PRMT2: variants seen among roughly 807,000 people sequenced by gnomAD.
PRMT2 encodes protein arginine methyltransferase 2.
Under a neutral mutation model 57.6 loss-of-function variants are expected in PRMT2, and 26 were observed. That is an observed-to-expected ratio of 0.45 (90% confidence interval 0.33 to 0.63). The LOEUF is 0.63. PRMT2 is among the 20% of genes least tolerant of loss of function. The pLI is 0.02. For missense variants in PRMT2, 472 were observed against 564.4 expected (o/e 0.84, Z 1.66); for synonymous variants, 219 against 220.0 (o/e 1.00, Z 0.04).
intron 11 of PRMT2, among the ~76,000 whole-genome samples, 169 bp downstream of exon 11, chr21:46,663,723 C>T (rs549752919): frequency 1.3e-5 from 2 of 152,244 alleles, no homozygotes; most frequent in African/African-American, 4.8e-5. Flanking sequence ...GGCTTCATTT[C>T]CCATCTGACA....
rs961298795 is a variant in PRMT2 at position 46,663,447 on chromosome 21, G to A, written c.1162G>A (p.Val388Met). The change falls in exon 11 of 12, where the codon GTG becomes ATG. Residue 388 changes from valine to methionine, a missense_variant. Coordinates refer to ENST00000355680, the MANE Select transcript of PRMT2 (RefSeq NM_206962.4). ...CCCAGTCCCTGTCCATACAGGAGAC[G>A]TGGTCACGGGTTCAGTTGTGTTGCA... ...DDPVPVHTGD[V>M]VTGSVVLQRN... The A allele has an allele frequency of 7.4e-6, 12 of 1,614,218 alleles. No individual in the cohort carries two copies. The highest frequency in any genetic ancestry group is 1.0e-5 in the Non-Finnish European group (12 of 1,180,032).
chr21:46,651,775 G>A lies in PRMT2; in HGVS notation c.654+2036G>A, dbSNP rs139931813. 73 of 1,611,596 alleles carry A rather than the reference G, an allele frequency of 4.5e-5. No homozygotes were observed. The East Asian group carries it at 1.2e-3, about 26-fold the overall frequency. On this transcript the variant is annotated intron_variant, in intron 7 of 11. Coordinates refer to ENST00000355680, the MANE Select transcript of PRMT2 (RefSeq NM_206962.4). ...GTATGAATCTGGGAGTCGTTGGTGC[G>A]GTTGTACCCACCTTCACTTTCCGTC...
intron 7 of PRMT2, chr21:46,653,381 C>T: frequency 4.1e-6 from 4 of 985,402 alleles, no homozygotes; most frequent in Non-Finnish European, 4.8e-6. Context: ...AGGCTGTTTG[C>T]ACATATTTAT....
At chr21:46,654,041 G>A (rs1569159997) in intron 7 of PRMT2, 1 of 987,798 alleles carries the variant, frequency 1.0e-6, no homozygotes. Flanking sequence ...TCACCTCGGG[G>A]GAGGAGGAAG....
At chr21:46,644,149 G>C (rs1439162196) in intron 4 of PRMT2, among the ~76,000 whole-genome samples, 157 bp from the exon 5 acceptor site, 1 of 152,108 alleles carries the variant, frequency 6.6e-6, no homozygotes, top group Non-Finnish European at 1.5e-5. Flanking sequence ...GCTAAGTCAT[G>C]GTGTCACTTG....
intron 8 of PRMT2, 38 bp downstream of exon 8, chr21:46,658,958 G>A (rs756254908): frequency 6.3e-7 from 1 of 1,591,336 alleles, no homozygotes. Flanking sequence ...CGTCTTGTGG[G>A]GCCTCCTGGT....
intron 9 of PRMT2, 131 bp downstream of exon 9, chr21:46,661,093 G>T (rs895393269): frequency 1.3e-5 from 12 of 897,778 alleles, no homozygotes; most frequent in Non-Finnish European, 1.9e-5. Context: ...ATTTTATTAT[G>T]CAAATAAGTG....
Position 46,636,960 on chromosome 21 carries a change from A to G in PRMT2, c.9A>G (p.Thr3=), listed in dbSNP as rs768951437. 4.5e-5 allele frequency: 73 copies of G among 1,613,828 alleles called. No homozygotes were observed. Among genetic ancestry groups the G allele is most frequent in the South Asian group, 4.3e-4 (39 of 91,050 alleles). Residue 3 remains threonine (T), a synonymous_variant, in exon 3 of 12, where the codon ACA becomes ACG. Coordinates refer to ENST00000355680, the MANE Select transcript of PRMT2 (RefSeq NM_206962.4). MA[T]SGDCPRSESQ... ...CAGAGCCTAAGAGAACTATGGCAAC[A>G]TCAGGTGACTGTCCCAGAAGTGAAT...
chr21:46,647,300 T>G (rs777591535), intron 5 of PRMT2, among the ~76,000 whole-genome samples: 1 of 152,216 alleles, frequency 6.6e-6, no homozygotes, highest in Non-Finnish European at 1.5e-5. Context: ...GTTAAGTAAT[T>G]TAGCCTGAAT....
Position 46,660,896 on chromosome 21 carries a change from C to G in PRMT2, c.894C>G (p.Asp298Glu), listed in dbSNP as rs574509055. The stretch of plus-strand genomic sequence containing the variant: ...ATAACCACATTTTGAAACCAGAAGA[C>G]TGTCTCTCTGAACCGTGCACTATAT... ...PKYNHILKPEDCLSEPCTILQ... is the reference protein window; with the variant it reads ...PKYNHILKPEECLSEPCTILQ... Residue 298 changes from aspartate to glutamate, a missense_variant, in exon 9 of 12, where the codon GAC (aspartate) becomes GAG (glutamate). By Grantham distance (45) the Asp-to-Glu change is conservative. This residue lies in a region of PRMT2 where 229 missense variants were observed against 217.2 expected (regional missense o/e 1.05). Transcript: ENST00000355680. 16 of 1,613,234 alleles carry G rather than the reference C, an allele frequency of 9.9e-6. No homozygotes were observed. Among genetic ancestry groups the G allele is most frequent in the African/African-American group, 1.3e-5 (1 of 74,874 alleles).
intron 7 of PRMT2, chr21:46,652,517 A>G: frequency 1.0e-6 from 1 of 985,438 alleles, no homozygotes; most frequent in Non-Finnish European, 1.2e-6. Context: ...CAATGCCACC[A>G]ACAATTTGAA....
chr21:46,638,821 G>A (rs1799140696), intron 3 of PRMT2, among the ~76,000 whole-genome samples: 1 of 151,838 alleles, frequency 6.6e-6, no homozygotes, highest in African/African-American at 2.4e-5. Context: ...TTTTCTTAGG[G>A]TTTTATCAAT....
At position 46,643,580 on chromosome 21, in the gene PRMT2, G is replaced by A. The variant is rs1209708527; in HGVS notation, c.85G>A (p.Gly29Arg). ...CAGTGAGGCCGGTCTCCTGCAGGAG[G>A]GAGTACAGCCAGAGGAGTTTGTGGC... ...ECSEAGLLQE[G>R]VQPEEFVAIA... Residue 29 changes from glycine (G) to arginine (R), a missense_variant, in exon 4 of 12, where the codon GGA (glycine) becomes AGA (arginine). Around this residue, in one of 2 missense-constraint regions of PRMT2, gnomAD observed 243 missense variants for 347.2 expected, o/e 0.70. Coordinates refer to ENST00000355680, the MANE Select transcript of PRMT2 (RefSeq NM_206962.4). 3.7e-6 allele frequency: 6 copies of A among 1,610,568 alleles called. 1 individual carries two copies. The highest frequency in any genetic ancestry group is 3.5e-4 in the Middle Eastern group (2 of 5,680).
At position 46,649,396 on chromosome 21, in the gene PRMT2, C is replaced by G. The variant is rs2061415288; in HGVS notation, c.490-179C>G. On this transcript the variant is annotated intron_variant, in intron 6 of 11. Transcript: ENST00000355680. This position sits in a 1 kb window ranked among gnomAD's most constrained non-coding sequence, Gnocchi z 4.8. ...GCAGTTGGGAGGGTTAGAGGCGGCT[C>G]CTTTCTGGGTGCCCCTGGAGGGGCA... 2 of 929,118 alleles carry G rather than the reference C, an allele frequency of 2.2e-6. No individual in the cohort carries two copies. The highest frequency in any genetic ancestry group is 3.9e-5 in the Admixed American group (2 of 50,636). The allele number at this position is 929,118 out of a possible 1,614,324, so 57.6% of individuals were successfully genotyped here.
chr21:46,636,772 ATCT>A lies in PRMT2; in HGVS notation c.-56-121_-56-119del, dbSNP rs571060171. ...ATTGTAAATTTTCATTTCTACACTA[ATCT>A]TCACACATACACATTTTACTTCTAT... On this transcript the variant is annotated intron_variant, in intron 2 of 11. Coordinates refer to ENST00000355680, the MANE Select transcript of PRMT2 (RefSeq NM_206962.4). 3.2e-4 allele frequency: 187 copies of A among 577,664 alleles called. 3 individuals are homozygous for A. In the South Asian group the frequency reaches 3.9e-3, roughly 12 times the overall value. 35.8% of individuals were successfully genotyped at this position (577,664 alleles called of 1,614,324 possible). A position where few individuals can be genotyped will look rare whatever the true frequency, so the allele number is the denominator to read the frequency against.
chr21:46,654,392 A>T (rs1346869523), intron 7 of PRMT2, among the ~76,000 whole-genome samples: 3 of 152,228 alleles, frequency 2.0e-5, no homozygotes, highest in African/African-American at 7.2e-5. Context: ...ACATAGTGGT[A>T]ACCTAGCTTC....
rs781152045 is a variant in PRMT2, at chr21:46,649,774, G to T, written c.654+35G>T. 8 of 1,597,784 alleles carry T rather than the reference G, an allele frequency of 5.0e-6. No homozygotes were observed. Among genetic ancestry groups the T allele is most frequent in the Non-Finnish European group, 6.0e-6 (7 of 1,171,896 alleles). ...GGCGTGCGGGCAGCTGGGGGCCGGA[G>T]CTGGGGGGCTTCTGAGCACGGGCTC... is the stretch of plus-strand genomic sequence containing the variant. On this transcript the variant is annotated intron_variant, in intron 7 of 11. Transcript: ENST00000355680. The surrounding 1 kb of genome is among the most constrained non-coding windows in gnomAD (Gnocchi z 4.8).
intron 7 of PRMT2, chr21:46,654,128 T>G: frequency 1.0e-6 from 1 of 985,670 alleles, no homozygotes; most frequent in Non-Finnish European, 1.2e-6. Flanking sequence ...GCACCAAATT[T>G]TTTTGATGAA....
At chr21:46,645,727 T>G (rs1479296787) in intron 5 of PRMT2, among the ~76,000 whole-genome samples, 1 of 151,858 alleles carries the variant, frequency 6.6e-6, no homozygotes, top group Non-Finnish European at 1.5e-5. Flanking sequence ...TTTTGTTTTT[T>G]TTTTTTTGAG....
Sources: allele counts gnomAD v4.1 joint callset (sites outside exome capture counted in the v4.1 genomes callset), GRCh38; gene constraint gnomAD v4.1.1; regional missense constraint gnomAD v4.1.1; non-coding constraint Gnocchi (gnomAD v3.1); transcripts MANE v1.5; gene names NCBI Gene and HGNC (gene_info 2026-07-23, HGNC 2026-07-21).